The following CLEC16A variants were observed in gnomAD, a reference collection of about 807,000 sequenced individuals.
CLEC16A encodes C-type lectin domain containing 16A, also known as protein CLEC16A.
CLEC16A carries 51 observed loss-of-function variants against 109.5 expected under a neutral mutation model. That is an observed-to-expected ratio of 0.47 (90% CI 0.37 to 0.59). The LOEUF (loss-of-function observed/expected upper bound fraction) is 0.59. Among genes scored for constraint, CLEC16A ranks in the 20% least tolerant of loss-of-function variants. CLEC16A has a pLI of 0.00. For missense variants in CLEC16A, 1,339 were observed against 1,394.0 expected, an observed-to-expected ratio of 0.96 and a Z score of 0.63; for synonymous variants, 673 against 564.2, an observed-to-expected ratio of 1.19 and a Z score of -2.73.
chr16:11,024,983 C>T (rs2046329256), intron 13 of CLEC16A, 62 bp downstream of exon 13: 1 of 1,173,216 alleles, frequency 8.5e-7, no homozygotes, highest in South Asian at 1.3e-5. Flanking sequence ...GCATCCTTCC[C>T]CTCTGCTGCA....
chr16:10,972,484 C>T (rs927975979), intron 5 of CLEC16A, 70 bp from the exon 6 acceptor site: 2 of 1,477,724 alleles, frequency 1.4e-6, no homozygotes, highest in African/African-American at 2.8e-5. Context: ...CTTCCCAGGT[C>T]CTAACCCTGT....
chr16:11,143,328 T>C (rs566119299), intron 22 of CLEC16A, among the ~76,000 whole-genome samples: 148 of 152,290 alleles, frequency 9.7e-4, no homozygotes, highest in African/African-American at 3.3e-3. Context: ...CAGTCCTCGT[T>C]TGACCTCAGT....
intron 10 of CLEC16A, among the ~76,000 whole-genome samples, chr16:10,998,435 A>C (rs889958348): frequency 2.0e-5 from 3 of 152,316 alleles, no homozygotes; most frequent in Non-Finnish European, 4.4e-5. Context: ...GGTGAAACCT[A>C]AACCTGTGGC....
At chr16:10,964,982 A>C (rs1156297018) in intron 3 of CLEC16A, among the ~76,000 whole-genome samples, 2 of 152,204 alleles carry the variant, frequency 1.3e-5, no homozygotes, top group African/African-American at 2.4e-5. Context: ...TGTGCTGTAC[A>C]TGAGAGCTCC....
chr16:11,039,872 G>A lies in CLEC16A; in HGVS notation c.1656G>A (p.Gln552=), dbSNP rs747221929. The change falls in exon 14 of 24, where the codon CAG becomes CAA. Residue 552 remains glutamine (Q), a synonymous_variant. Coordinates refer to ENST00000409790, the MANE Select transcript of CLEC16A (RefSeq NM_015226.3). ...RLIRIMNNAA[Q]PDGKIRLATL... Reference sequence around the variant, plus strand: ...TCAGGATCATGAACAACGCTGCCCAGCCAGGTGCCCACTTGGGGTGTTGTC... The same window carrying A: ...TCAGGATCATGAACAACGCTGCCCAACCAGGTGCCCACTTGGGGTGTTGTC... The A allele has an allele frequency of 3.1e-6, 5 of 1,612,336 alleles. No individual in the cohort carries two copies. The African/African-American group carries it at 6.7e-5, about 22-fold the overall frequency.
intron 1 of CLEC16A, among the ~76,000 whole-genome samples, 195 bp from the exon 2 acceptor site, chr16:10,957,587 C>G (rs1281554990): frequency 2.6e-5 from 4 of 152,168 alleles, no homozygotes; most frequent in African/African-American, 9.7e-5. Flanking sequence ...TTGGTGTGTC[C>G]TTGGTTTAAC....
intron 16 of CLEC16A, 38 bp from the exon 17 acceptor site, chr16:11,047,254 T>C: frequency 6.4e-7 from 1 of 1,564,404 alleles, no homozygotes; most frequent in Non-Finnish European, 8.7e-7. Context: ...GAAAAAAATA[T>C]GAATAATCTC....
chr16:10,946,825 G>A lies in CLEC16A; in HGVS notation c.80+2028G>A, dbSNP rs1447031673. On this transcript the variant is annotated intron_variant, in intron 1 of 23. Coordinates refer to ENST00000409790, the MANE Select transcript of CLEC16A (RefSeq NM_015226.3). ...GGAACCATTATTGTTTCCATTTTAC[G>A]GAAGTGGAAACTAAGGTTCAGGGGG... 6.6e-5 allele frequency among the ~76,000 whole-genome samples: 10 copies of A among 152,274 alleles called. 1 individual carries two copies. Among genetic ancestry groups the A allele is most frequent in the South Asian group, 6.2e-4 (3 of 4,830 alleles).
chr16:11,166,424 C>A lies in CLEC16A; in HGVS notation c.2678C>A (p.Ser893Tyr), dbSNP rs746681977. The stretch of plus-strand genomic sequence containing the variant: ...GCCCAGTGCATAAACCAGCACAGCT[C>A]CCCGTCCCTGTCCTCACAGTCGCCA... ...AVAQCINQHS[S>Y]PSLSSQSPPS... The change falls in exon 23 of 24, where the codon TCC becomes TAC. Residue 893 changes from serine (S) to tyrosine (Y), a missense_variant. Coordinates refer to ENST00000409790, the MANE Select transcript of CLEC16A (RefSeq NM_015226.3). 5 of 1,606,218 alleles carry A rather than the reference C, an allele frequency of 3.1e-6. No homozygotes were observed. The South Asian group carries it at 5.5e-5, about 18-fold the overall frequency.
At chr16:11,152,657 T>G (rs1002440703) in intron 22 of CLEC16A, among the ~76,000 whole-genome samples, 1 of 152,230 alleles carries the variant, frequency 6.6e-6, no homozygotes, top group Non-Finnish European at 1.5e-5. Flanking sequence ...CCCTGTAGCA[T>G]TCACACAGCA....
chr16:11,174,675 G>A lies in CLEC16A; in HGVS notation c.2807-3660G>A, dbSNP rs1317484317. Among the ~76,000 whole-genome samples, 6 of 152,266 alleles carry A rather than the reference G, an allele frequency of 3.9e-5. No homozygotes were observed. Among genetic ancestry groups the A allele is most frequent in the Admixed American group, 3.3e-4 (5 of 15,294 alleles). Reference sequence around the variant, plus strand: ...AGGCCATGGGGGTTGGGCGGCAGTTGGCTGGCAAAGTGAGAATTTGTAGAA... The same window carrying A: ...AGGCCATGGGGGTTGGGCGGCAGTTAGCTGGCAAAGTGAGAATTTGTAGAA... On this transcript the variant is annotated intron_variant, in intron 23 of 23. Coordinates refer to ENST00000409790, the MANE Select transcript of CLEC16A (RefSeq NM_015226.3). The surrounding 1 kb of genome is among the most constrained non-coding windows in gnomAD (Gnocchi z 4.7).
chr16:11,106,492 TA>T (rs557658395), intron 19 of CLEC16A, among the ~76,000 whole-genome samples: 1 of 148,048 alleles, frequency 6.8e-6, no homozygotes, highest in Admixed American at 6.8e-5. Flanking sequence ...GGGGTATTGC[TA>T]TGTTTCCCAG....
intron 20 of CLEC16A, among the ~76,000 whole-genome samples, chr16:11,122,379 C>T (rs1398062192): frequency 6.6e-6 from 1 of 152,158 alleles, no homozygotes; most frequent in Non-Finnish European, 1.5e-5. Flanking sequence ...TTTATCTAGG[C>T]TTATGATTAA....
chr16:11,090,643 AT>A (rs892933510), intron 19 of CLEC16A, among the ~76,000 whole-genome samples: 4 of 151,640 alleles, frequency 2.6e-5, no homozygotes, highest in African/African-American at 9.7e-5. Flanking sequence ...TTTCTATTTT[AT>A]TTTATTTAGT....
At chr16:10,981,075 C>T (rs1427248062) in intron 9 of CLEC16A, among the ~76,000 whole-genome samples, 1 of 152,168 alleles carries the variant, frequency 6.6e-6, no homozygotes, top group African/African-American at 2.4e-5. Flanking sequence ...ACTCACCCTC[C>T]CTCTTTTTTG....
At chr16:11,093,764 G>A (rs535012262) in intron 19 of CLEC16A, among the ~76,000 whole-genome samples, 2 of 152,324 alleles carry the variant, frequency 1.3e-5, no homozygotes, top group East Asian at 3.9e-4. Context: ...CAGAGAAGGG[G>A]CCCTGCTGAA....
chr16:11,084,786 T>TC (rs918260521), intron 19 of CLEC16A, among the ~76,000 whole-genome samples: 10 of 152,286 alleles, frequency 6.6e-5, no homozygotes, highest in African/African-American at 2.4e-4. Flanking sequence ...CCCCTTCCAT[T>TC]CCCCTGAAAA....
chr16:11,117,206 T>C (rs1345197837), intron 19 of CLEC16A, among the ~76,000 whole-genome samples: 1 of 152,106 alleles, frequency 6.6e-6, no homozygotes, highest in Admixed American at 6.5e-5. Flanking sequence ...GTTGAAAAAC[T>C]GTTGGGTACT....
At chr16:10,949,066 A>G (rs2041586766) in intron 1 of CLEC16A, among the ~76,000 whole-genome samples, 1 of 152,142 alleles carries the variant, frequency 6.6e-6, no homozygotes, top group African/African-American at 2.4e-5. Flanking sequence ...GCTCCACTCA[A>G]GCTAGTGGAA....
Sources: gnomAD v4.1 joint callset for allele counts (sites outside exome capture counted in the v4.1 genomes callset) on GRCh38, gnomAD v4.1.1 for gene constraint, Gnocchi (gnomAD v3.1) non-coding constraint, MANE v1.5 for transcripts, NCBI Gene and HGNC (gene_info 2026-07-23, HGNC 2026-07-21) for gene names.